The following PRKCA variants were observed in gnomAD, a reference collection of about 807,000 sequenced individuals.
PRKCA encodes protein kinase C alpha.
A neutral mutation model predicts 87.0 loss-of-function variants in PRKCA; 27 were observed. The ratio of observed to expected loss-of-function variants is 0.31; its 90% CI spans 0.23 to 0.43. The LOEUF is 0.43. PRKCA is among the 20% of genes least tolerant of loss of function. The pLI is 1.00. For synonymous variants in PRKCA, 329 were observed against 311.1 expected, an observed-to-expected ratio of 1.06 and a Z score of -0.61; for missense variants, 518 against 852.3, an observed-to-expected ratio of 0.61 and a Z score of 4.88.
chr17:66,379,046 T>A (rs1909638655), intron 2 of PRKCA, among the ~76,000 whole-genome samples: 1 of 152,226 alleles, frequency 6.6e-6, no homozygotes. Context: ...TTGATTTTAT[T>A]TATCAGTTGG....
At chr17:66,763,206 C>T (rs1450728694) in intron 13 of PRKCA, among the ~76,000 whole-genome samples, 1 of 152,208 alleles carries the variant, frequency 6.6e-6, no homozygotes, top group East Asian at 1.9e-4. Flanking sequence ...TGGATCAGAT[C>T]CACTACTTCT....
At chr17:66,362,562 T>G (rs1908450440) in intron 2 of PRKCA, among the ~76,000 whole-genome samples, 2 of 152,220 alleles carry the variant, frequency 1.3e-5, no homozygotes, top group African/African-American at 4.8e-5. Context: ...AAGTCTCACT[T>G]TTGTGTCTCA....
chr17:66,520,334 T>A (rs568227489), intron 3 of PRKCA, among the ~76,000 whole-genome samples: 2 of 152,250 alleles, frequency 1.3e-5, no homozygotes, highest in South Asian at 2.1e-4. Context: ...TTGGCCAGGC[T>A]GGTCTCAAAC....
At chr17:66,395,447 T>C (rs1910608568) in intron 2 of PRKCA, among the ~76,000 whole-genome samples, 1 of 152,196 alleles carries the variant, frequency 6.6e-6, no homozygotes, top group South Asian at 2.1e-4. Flanking sequence ...CTAAATCTGG[T>C]GTGTATTTTA....
intron 2 of PRKCA, among the ~76,000 whole-genome samples, chr17:66,437,731 T>TTTTTTTTTGAGTGGGGGGTG (rs55779501): frequency 9.0e-5 from 1 of 11,142 alleles, no homozygotes; most frequent in Non-Finnish European, 1.6e-4. Flanking sequence ...TTTTTTTTTT[T>TTTTTTTTTGAGTGGGGGGTG]GAGCGGGGGG....
intron 3 of PRKCA, among the ~76,000 whole-genome samples, chr17:66,583,314 C>T (rs1449814244): frequency 6.6e-6 from 1 of 151,970 alleles, no homozygotes; most frequent in Non-Finnish European, 1.5e-5. Context: ...ATCTCATTGT[C>T]GTCTTTTTAA....
At chr17:66,562,136 A>G (rs374704370) in intron 3 of PRKCA, among the ~76,000 whole-genome samples, 571 of 56,992 alleles carry the variant, frequency 0.01, 34 homozygotes, top group African/African-American at 0.032. Context: ...ATATAATTAA[A>G]TTATATATAT....
intron 2 of PRKCA, among the ~76,000 whole-genome samples, chr17:66,450,221 C>T (rs1001683705): frequency 8.6e-5 from 13 of 151,982 alleles, no homozygotes; most frequent in Admixed American, 2.6e-4. Context: ...AGATGCTCAT[C>T]GGGGGCCAGC....
intron 2 of PRKCA, among the ~76,000 whole-genome samples, chr17:66,368,893 G>C (rs1567793473): frequency 6.6e-6 from 1 of 152,134 alleles, no homozygotes; most frequent in African/African-American, 2.4e-5. Context: ...CCCTGGCCTG[G>C]CCCAAATTAC....
intron 13 of PRKCA, among the ~76,000 whole-genome samples, chr17:66,749,434 C>A (rs967027241): frequency 2.2e-4 from 34 of 152,096 alleles, no homozygotes; most frequent in Non-Finnish European, 4.3e-4. Context: ...GCTCAGAGAT[C>A]ACCTTGGGGA....
intron 3 of PRKCA, among the ~76,000 whole-genome samples, chr17:66,616,384 T>C (rs746244505): frequency 6.6e-6 from 1 of 152,312 alleles, no homozygotes; most frequent in South Asian, 2.1e-4. Flanking sequence ...TTTGAGCTCA[T>C]CTTTCCTCAC....
intron 2 of PRKCA, among the ~76,000 whole-genome samples, chr17:66,386,489 T>G (rs1231967550): frequency 2.6e-5 from 4 of 152,306 alleles, no homozygotes; most frequent in Middle Eastern, 3.4e-3. Flanking sequence ...TCTGCAGGTT[T>G]CCCCTCTGTA....
rs148303027 is a variant in PRKCA, at chr17:66,358,529, C to G, written c.205+52402C>G. Reference sequence around the variant, plus strand: ...CTACCCATTTCCTTTCTCAAAGATTCAAGCCTAAGGCTAACATGATATTGA... The same window carrying G: ...CTACCCATTTCCTTTCTCAAAGATTGAAGCCTAAGGCTAACATGATATTGA... On this transcript the variant is annotated intron_variant, in intron 2 of 16. Transcript: ENST00000413366. Among the ~76,000 whole-genome samples, 3 of 150,660 alleles carry G rather than the reference C, an allele frequency of 2.0e-5. No homozygotes were observed. The East Asian group carries it at 5.8e-4, about 29-fold the overall frequency.
intron 10 of PRKCA, 128 bp from the exon 11 acceptor site, chr17:66,738,636 A>C: frequency 1.3e-6 from 1 of 753,368 alleles, no homozygotes; most frequent in Non-Finnish European, 2.3e-6. Flanking sequence ...AAAGAGCTCT[A>C]AACTGAGCAC....
intron 2 of PRKCA, among the ~76,000 whole-genome samples, chr17:66,355,728 C>A (rs1490076922): frequency 6.6e-6 from 1 of 152,148 alleles, no homozygotes; most frequent in Non-Finnish European, 1.5e-5. Context: ...TGGAAACATC[C>A]TTTTCCAGTT....
At chr17:66,569,919 T>C (rs1303831107) in intron 3 of PRKCA, among the ~76,000 whole-genome samples, 3 of 152,162 alleles carry the variant, frequency 2.0e-5, no homozygotes, top group Non-Finnish European at 4.4e-5. Context: ...AAAAGAAACA[T>C]GCATGTGTAC....
Position 66,533,043 on chromosome 17 carries a change from A to G in PRKCA, c.288+36760A>G, listed in dbSNP as rs371483678. ...AACCTTAGGCAGCCAACAACACTTCAGTCCTTTGGAAGTGGATTTTAAGGA... is the reference window on the plus strand; with the variant it reads ...AACCTTAGGCAGCCAACAACACTTCGGTCCTTTGGAAGTGGATTTTAAGGA... On this transcript the variant is annotated intron_variant, in intron 3 of 16. Transcript: ENST00000413366. 1.2e-4 allele frequency among the ~76,000 whole-genome samples: 19 copies of G among 152,324 alleles called. No homozygotes were observed. In the East Asian group the frequency reaches 3.1e-3, roughly 25 times the overall value.
intron 2 of PRKCA, among the ~76,000 whole-genome samples, chr17:66,369,388 A>AC (rs1408913954): frequency 6.6e-6 from 1 of 151,884 alleles, no homozygotes; most frequent in Admixed American, 6.6e-5. Flanking sequence ...AGGAGGAGGG[A>AC]CCTGGGGGAG....
chr17:66,640,386 C>T (rs967437011), intron 3 of PRKCA, among the ~76,000 whole-genome samples: 1 of 152,180 alleles, frequency 6.6e-6, no homozygotes, highest in Non-Finnish European at 1.5e-5. Context: ...AAAAAGATGT[C>T]TGGTTGCACC....
Sources: allele counts gnomAD v4.1 joint callset (sites outside exome capture counted in the v4.1 genomes callset), GRCh38; gene constraint gnomAD v4.1.1; transcripts MANE v1.5; gene names NCBI Gene and HGNC (gene_info 2026-07-23, HGNC 2026-07-21).